Variants in ARFGEF1 observed in about 807,000 individuals in gnomAD.
The protein encoded by ARFGEF1 is brefeldin A-inhibited guanine nucleotide-exchange protein 1.
ARFGEF1 carries 42 observed loss-of-function variants against 231.0 expected under a neutral mutation model. The observed-to-expected ratio is 0.18, with a 90% CI of 0.14 to 0.24. ARFGEF1 has a LOEUF of 0.24. Ranked by LOEUF, ARFGEF1 falls within the 10% of genes least tolerant of loss-of-function variation. ARFGEF1 has a pLI of 1.00. For synonymous variants in ARFGEF1, 710 were observed against 732.3 expected, an observed-to-expected ratio of 0.97 and a Z score of 0.49; for missense variants, 1,345 against 2,192.0, an observed-to-expected ratio of 0.61 and a Z score of 7.72.
intron 1 of ARFGEF1, among the ~76,000 whole-genome samples, chr8:67,307,461 C>T (rs531349271): frequency 5.3e-5 from 8 of 152,266 alleles, no homozygotes; most frequent in East Asian, 3.9e-4. Flanking sequence ...GTAAATTCCA[C>T]GGACAAGGAA....
intron 1 of ARFGEF1, among the ~76,000 whole-genome samples, chr8:67,303,530 G>A (rs561591473): frequency 1.3e-5 from 2 of 152,176 alleles, no homozygotes; most frequent in South Asian, 2.1e-4. Context: ...GGCCAACGTG[G>A]TGAAACATCG....
At chr8:67,310,063 C>T (rs2128920806) in intron 1 of ARFGEF1, among the ~76,000 whole-genome samples, 2 of 152,232 alleles carry the variant, frequency 1.3e-5, no homozygotes, top group East Asian at 3.9e-4. Flanking sequence ...GGATAGAAAT[C>T]CAAGTTAAGA....
At chr8:67,227,345 C>T in intron 26 of ARFGEF1, 36 bp from the exon 27 acceptor site, 1 of 1,599,826 alleles carries the variant, frequency 6.3e-7, no homozygotes, top group Non-Finnish European at 8.5e-7. Context: ...GATATGCAAA[C>T]CGATAAAACT....
rs911892195 is a variant in ARFGEF1 at position 67,275,871 on chromosome 8, G to A, written c.1337+105C>T. 11 of 1,388,064 alleles carry A rather than the reference G, an allele frequency of 7.9e-6. No homozygotes were observed. The African/African-American group carries it at 1.6e-4, about 21-fold the overall frequency. 86.0% of individuals were successfully genotyped at this position (1,388,064 alleles called of 1,614,324 possible). A position where few individuals can be genotyped will look rare whatever the true frequency, so the allele number is the denominator to read the frequency against. On this transcript the variant is annotated intron_variant, in intron 9 of 38. Coordinates refer to ENST00000262215, the MANE Select transcript of ARFGEF1 (RefSeq NM_006421.5). Reference sequence around the variant, plus strand: ...TCCCCTCCACCCAATTTTTTTTTATGGTTCTATAGGACAAAAAGAACAAAA... The same window carrying A: ...TCCCCTCCACCCAATTTTTTTTTATAGTTCTATAGGACAAAAAGAACAAAA...
intron 5 of ARFGEF1, among the ~76,000 whole-genome samples, chr8:67,182,963 T>C (rs796338744): frequency 2.6e-5 from 4 of 152,350 alleles, no homozygotes; most frequent in African/African-American, 7.2e-5. Flanking sequence ...CTTTGATACA[T>C]AGGAGCTTTT....
chr8:67,262,627 A>G (rs1563872385), intron 14 of ARFGEF1, among the ~76,000 whole-genome samples: 1 of 152,212 alleles, frequency 6.6e-6, no homozygotes, highest in Non-Finnish European at 1.5e-5. Flanking sequence ...ATCAAGGCAA[A>G]AAAGTTTACT....
intron 2 of ARFGEF1, among the ~76,000 whole-genome samples, chr8:67,301,610 G>A (rs1045837418): frequency 1.3e-5 from 2 of 152,172 alleles, no homozygotes; most frequent in Non-Finnish European, 2.9e-5. Context: ...AATCTTGTCT[G>A]CAAAACTGGT....
intron 1 of ARFGEF1, among the ~76,000 whole-genome samples, chr8:67,311,691 G>A (rs925212487): frequency 6.6e-6 from 1 of 152,170 alleles, no homozygotes; most frequent in African/African-American, 2.4e-5. Flanking sequence ...CCCCTACTGG[G>A]AAGTGAAGAG....
downstream of ARFGEF1, chr8:67,175,279 CAT>C: frequency 3.2e-6 from 5 of 1,587,208 alleles, no homozygotes; most frequent in Non-Finnish European, 4.3e-6. Flanking sequence ...AGTTATATAA[CAT>C]ATTTTTTATA....
chr8:67,238,517 T>A (rs147328860), intron 21 of ARFGEF1, 24 bp from the exon 22 acceptor site: 17 of 1,580,390 alleles, frequency 1.1e-5, no homozygotes, highest in Non-Finnish European at 1.3e-5. Flanking sequence ...AGGAAAAAAA[T>A]GTTAAATTCC....
At chr8:67,313,935 TTGCTGTGGC>T (rs1807187968) in intron 1 of ARFGEF1, among the ~76,000 whole-genome samples, 1 of 152,094 alleles carries the variant, frequency 6.6e-6, no homozygotes, top group South Asian at 2.1e-4. Flanking sequence ...TGGGTGGGTC[TTGCTGTGGC>T]TGCTGTGGGG....
chr8:67,323,405 C>A (rs78628537), intron 1 of ARFGEF1, among the ~76,000 whole-genome samples: 1 of 152,192 alleles, frequency 6.6e-6, no homozygotes, highest in African/African-American at 2.4e-5. Context: ...AGTTGATCTA[C>A]AACTCAGATC....
chr8:67,243,500 C>G (rs1839995099), intron 19 of ARFGEF1, among the ~76,000 whole-genome samples: 1 of 152,078 alleles, frequency 6.6e-6, no homozygotes. Flanking sequence ...AAAGACCTGC[C>G]CCCATGATTC....
intron 5 of ARFGEF1, among the ~76,000 whole-genome samples, chr8:67,294,104 A>C (rs1806126531): frequency 6.6e-6 from 1 of 152,138 alleles, no homozygotes; most frequent in Non-Finnish European, 1.5e-5. Context: ...TAAACAATAC[A>C]GTATAACAAC....
chr8:67,279,106 A>AT (rs202240892), intron 7 of ARFGEF1, among the ~76,000 whole-genome samples: 1 of 152,092 alleles, frequency 6.6e-6, no homozygotes, highest in South Asian at 2.1e-4. Context: ...GCTACAAAAA[A>AT]TTTTTTTTAA....
At chr8:67,195,700 T>TC (rs1006314875), downstream of ARFGEF1, 3 of 796,536 alleles carry the variant, frequency 3.8e-6, no homozygotes, top group African/African-American at 1.7e-5. Flanking sequence ...TTACTTTTTT[T>TC]CCATCATCTG....
At chr8:67,233,277 A>G (rs1245205286) in intron 22 of ARFGEF1, among the ~76,000 whole-genome samples, 1 of 151,992 alleles carries the variant, frequency 6.6e-6, no homozygotes, top group African/African-American at 2.4e-5. Context: ...CTCAGTTCCA[A>G]TGATACCTTC....
At chr8:67,173,593 A>C (rs900694098), downstream of ARFGEF1, 2 of 152,070 alleles carry the variant, frequency 1.3e-5, no homozygotes, top group Non-Finnish European at 2.9e-5. Context: ...ACTTTAGTCA[A>C]ACTACCTATA....
At position 67,292,135 on chromosome 8, in the gene ARFGEF1, T is replaced by C. The variant is rs371334236; in HGVS notation, c.640-12A>G. 2.9e-5 allele frequency: 47 copies of C among 1,601,084 alleles called. No homozygotes were observed. Among genetic ancestry groups the C allele is most frequent in the Non-Finnish European group, 3.6e-5 (42 of 1,174,262 alleles). On this transcript the variant is annotated splice_polypyrimidine_tract_variant and intron_variant, in intron 5 of 38. Transcript: ENST00000262215. ...TTTGCTTCCTGTAACTGGAAATAAATAAAATTTCCAATATTAGTAAAATAA... is the reference window on the plus strand; with the variant it reads ...TTTGCTTCCTGTAACTGGAAATAAACAAAATTTCCAATATTAGTAAAATAA...
Sources: allele counts gnomAD v4.1 joint callset (sites outside exome capture counted in the v4.1 genomes callset), GRCh38; gene constraint gnomAD v4.1.1; transcripts MANE v1.5; gene names NCBI Gene and HGNC (gene_info 2026-07-23, HGNC 2026-07-21).